The following SNRPN variants were observed in gnomAD, a reference collection of about 807,000 sequenced individuals.
The protein encoded by SNRPN is small nuclear ribonucleoprotein polypeptide N, also known as small nuclear ribonucleoprotein-associated protein N.
Under a neutral mutation model 25.2 loss-of-function variants are expected in SNRPN, and 7 were observed. That is an observed-to-expected ratio of 0.28 (90% CI 0.16 to 0.52). The LOEUF (loss-of-function observed/expected upper bound fraction) is 0.52. Among genes scored for constraint, SNRPN ranks in the 20% least tolerant of loss-of-function variants. The pLI is 0.96. For synonymous variants in SNRPN, 124 were observed against 110.6 expected (o/e 1.12, Z -0.76); for missense variants, 196 against 322.5 (o/e 0.61, Z 3.00).
At chr15:24,873,403 T>C (rs1184650354) in intron 1 of SNRPN, among the ~76,000 whole-genome samples, 1 of 116,880 alleles carries the variant, frequency 8.6e-6, no homozygotes, top group African/African-American at 3.0e-5. Flanking sequence ...CCCGACTCAC[T>C]GCAACCTCTG....
intron 3 of SNRPN, among the ~76,000 whole-genome samples, chr15:24,942,955 G>A (rs993134222): frequency 6.6e-6 from 1 of 152,122 alleles, no homozygotes; most frequent in East Asian, 1.9e-4. Context: ...TATGAAACAG[G>A]TCACCCTATC....
At chr15:24,875,197 T>C (rs1183269992) in intron 1 of SNRPN, among the ~76,000 whole-genome samples, 2 of 152,200 alleles carry the variant, frequency 1.3e-5, no homozygotes, top group African/African-American at 4.8e-5. Flanking sequence ...TATTAGTTCA[T>C]TCAATTCTCA....
chr15:24,858,039 C>T (rs1035206123), intron 1 of SNRPN, among the ~76,000 whole-genome samples: 3 of 152,040 alleles, frequency 2.0e-5, no homozygotes, highest in East Asian at 3.9e-4. Context: ...GCTGATCCAT[C>T]GGGAGCAGGG....
chr15:24,875,619 G>T (rs1333657019), intron 1 of SNRPN, among the ~76,000 whole-genome samples: 5 of 152,192 alleles, frequency 3.3e-5, no homozygotes, highest in Admixed American at 3.3e-4. Context: ...ACTTTAATAT[G>T]TATGTATAAG....
intron 1 of SNRPN, among the ~76,000 whole-genome samples, chr15:24,879,801 A>C (rs1315480096): frequency 6.6e-6 from 1 of 152,196 alleles, no homozygotes; most frequent in Non-Finnish European, 1.5e-5. Context: ...CAATGGCAGT[A>C]GTTGCAAGAG....
chr15:24,939,846 A>G (rs990060712), intron 3 of SNRPN, among the ~76,000 whole-genome samples: 1 of 150,524 alleles, frequency 6.6e-6, no homozygotes. Context: ...CTGGAGTACA[A>G]TGGTGTGATC....
intron 3 of SNRPN, among the ~76,000 whole-genome samples, chr15:24,928,199 T>C (rs2060542766): frequency 6.6e-6 from 1 of 152,146 alleles, no homozygotes; most frequent in Admixed American, 6.6e-5. Flanking sequence ...CAAATGGAAC[T>C]ACCCTGTGAA....
rs559465430 is a variant in SNRPN at position 24,887,715 on chromosome 15, C to G, written c.-505+1126C>G. ...GGGGCTGAGAAGACAGGCATCAGAC[C>G]TGGGATAGACAAGGGAGGCCTCTTG... On this transcript the variant is annotated intron_variant, in intron 2 of 11. Transcript: ENST00000400097. Among the ~76,000 whole-genome samples, 4 of 152,236 alleles carry G rather than the reference C, an allele frequency of 2.6e-5. No individual in the cohort carries two copies. The East Asian group carries it at 7.7e-4, about 29-fold the overall frequency.
intron 2 of SNRPN, among the ~76,000 whole-genome samples, chr15:24,900,932 A>G (rs1259388454): frequency 6.6e-6 from 1 of 152,086 alleles, no homozygotes; most frequent in African/African-American, 2.4e-5. Flanking sequence ...TTGTATCTAC[A>G]AAAAATAAAT....
At chr15:24,846,487 G>T (rs1018067428) in intron 2 of SNRPN, among the ~76,000 whole-genome samples, 5 of 152,178 alleles carry the variant, frequency 3.3e-5, no homozygotes, top group African/African-American at 1.2e-4. Context: ...AATCAGAGGG[G>T]TTGTAGTAGG....
rs144324383 is a variant in SNRPN, at chr15:24,890,777, G to A, written c.-505+4188G>A. 5.4e-4 allele frequency among the ~76,000 whole-genome samples: 82 copies of A among 152,266 alleles called. No individual in the cohort carries two copies. The East Asian group carries it at 0.014, about 25-fold the overall frequency. On this transcript the variant is annotated intron_variant, in intron 2 of 11. Transcript: ENST00000400097. ...GACTCACATGTCATGTAAAACTTAC[G>A]TTAAGTAAATATATTATGTTTTTCT...
intron 1 of SNRPN, among the ~76,000 whole-genome samples, chr15:24,875,057 C>T (rs2055719560): frequency 6.6e-6 from 1 of 152,110 alleles, no homozygotes; most frequent in Non-Finnish European, 1.5e-5. Flanking sequence ...TATATTGTGA[C>T]ATAAAATAAT....
intron 2 of SNRPN, among the ~76,000 whole-genome samples, chr15:24,906,540 T>A (rs779741328): frequency 1.3e-5 from 2 of 152,226 alleles, no homozygotes; most frequent in Non-Finnish European, 2.9e-5. Flanking sequence ...CTGTTCAGAT[T>A]CTTCTTGGTC....
chr15:24,870,933 T>C (rs2055051123), intron 1 of SNRPN, among the ~76,000 whole-genome samples: 1 of 151,658 alleles, frequency 6.6e-6, no homozygotes, highest in Non-Finnish European at 1.5e-5. Context: ...CAGCCTGGAG[T>C]GCAATGGTGT....
At chr15:24,950,397 G>A (rs1484185707), upstream of SNRPN, among the ~76,000 whole-genome samples, 6 of 151,698 alleles carry the variant, frequency 4.0e-5, no homozygotes, top group African/African-American at 1.5e-4. Context: ...GGCTGGTCTC[G>A]AACTCCTGAC....
At chr15:24,880,045 C>T (rs1173792903) in intron 1 of SNRPN, among the ~76,000 whole-genome samples, 1 of 152,168 alleles carries the variant, frequency 6.6e-6, no homozygotes, top group Non-Finnish European at 1.5e-5. Context: ...CCTTATGTCT[C>T]CTCTGGCCAA....
intron 2 of SNRPN, among the ~76,000 whole-genome samples, chr15:24,840,992 C>A (rs1374138945): frequency 1.3e-5 from 2 of 152,084 alleles, no homozygotes; most frequent in Non-Finnish European, 2.9e-5. Flanking sequence ...TAGGCGCCCA[C>A]CACCATGCCC....
chr15:24,963,464 A>T (rs2075154796), intron 2 of SNRPN, among the ~76,000 whole-genome samples: 1 of 151,574 alleles, frequency 6.6e-6, no homozygotes, highest in Non-Finnish European at 1.5e-5. Context: ...AAAATACAAA[A>T]ATTAACCGAG....
chr15:24,897,371 T>G (rs2058138521), intron 2 of SNRPN, among the ~76,000 whole-genome samples: 1 of 152,192 alleles, frequency 6.6e-6, no homozygotes, highest in Non-Finnish European at 1.5e-5. Flanking sequence ...GGGAATCACT[T>G]GAGGCCAGGA....
Sources: gnomAD v4.1 joint callset for allele counts (sites outside exome capture counted in the v4.1 genomes callset) on GRCh38, gnomAD v4.1.1 for gene constraint, MANE v1.5 for transcripts, NCBI Gene and HGNC (gene_info 2026-07-23, HGNC 2026-07-21) for gene names.